Variants in ZNF385D observed in about 807,000 individuals in gnomAD.
The protein encoded by ZNF385D is zinc finger protein 659.
Under a neutral mutation model 35.8 loss-of-function variants are expected in ZNF385D, and 15 were observed. That is an observed-to-expected ratio of 0.42 (90% confidence interval 0.28 to 0.64). The LOEUF (loss-of-function observed/expected upper bound fraction) is 0.64, where lower values mean the gene tolerates loss of function less well. Among genes scored for constraint, ZNF385D ranks in the 30% least tolerant of loss-of-function variants. ZNF385D has a pLI of 0.23. For missense variants in ZNF385D, 474 were observed against 494.6 expected (o/e 0.96, Z 0.39); for synonymous variants, 212 against 186.8 (o/e 1.13, Z -1.10).
chr3:21,955,638 T>G (rs1702249059), intron 3 of ZNF385D, among the ~76,000 whole-genome samples: 2 of 152,160 alleles, frequency 1.3e-5, no homozygotes. Context: ...CAATCTGTTC[T>G]CAAATTCTGT....
At chr3:22,121,201 A>G (rs986763973) in intron 3 of ZNF385D, among the ~76,000 whole-genome samples, 3 of 152,038 alleles carry the variant, frequency 2.0e-5, no homozygotes, top group African/African-American at 7.2e-5. Flanking sequence ...ACTTCTAAAC[A>G]CTCACTGTCT....
intron 1 of ZNF385D, among the ~76,000 whole-genome samples, chr3:21,681,698 G>A (rs1273181824): frequency 1.6e-4 from 21 of 133,200 alleles, no homozygotes; most frequent in African/African-American, 2.8e-4. Context: ...AAAAAAAAAC[G>A]AAAAAAAAAA....
chr3:22,060,317 G>A (rs1699626866), intron 3 of ZNF385D, among the ~76,000 whole-genome samples: 2 of 152,092 alleles, frequency 1.3e-5, no homozygotes, highest in South Asian at 4.2e-4. Flanking sequence ...TTTCTCTAAA[G>A]AACTCTGACT....
intron 3 of ZNF385D, chr3:21,961,687 G>C (rs902171920): frequency 6.6e-6 from 1 of 151,944 alleles, no homozygotes; most frequent in African/African-American, 2.4e-5. Context: ...CTAATATTTT[G>C]TAAGTGAATG....
intron 3 of ZNF385D, among the ~76,000 whole-genome samples, chr3:21,906,191 T>C (rs939005498): frequency 1.3e-5 from 2 of 152,208 alleles, no homozygotes; most frequent in African/African-American, 4.8e-5. Flanking sequence ...TTCTTCAAAG[T>C]ACCTACTATT....
chr3:21,826,440 G>A (rs1489068743), intron 3 of ZNF385D, among the ~76,000 whole-genome samples: 1 of 152,178 alleles, frequency 6.6e-6, no homozygotes, highest in African/African-American at 2.4e-5. Flanking sequence ...CTAGTTGGAA[G>A]AAATATTTGG....
chr3:21,685,800 G>A (rs190300944), intron 1 of ZNF385D, among the ~76,000 whole-genome samples: 1 of 152,292 alleles, frequency 6.6e-6, no homozygotes, highest in African/African-American at 2.4e-5. Flanking sequence ...AAAATGAAGT[G>A]CTGGAGGTAC....
At chr3:21,779,899 G>A (rs6796966) in intron 3 of ZNF385D, among the ~76,000 whole-genome samples, 91,192 of 151,608 alleles carry the variant, frequency 0.6, 28,592 homozygotes, top group Non-Finnish European at 0.7. Context: ...TACTTAGTCC[G>A]AAAATTAAAT....
At chr3:21,951,939 A>C (rs1175302223) in intron 3 of ZNF385D, among the ~76,000 whole-genome samples, 1 of 151,598 alleles carries the variant, frequency 6.6e-6, no homozygotes, top group Non-Finnish European at 1.5e-5. Flanking sequence ...CACAAAGAGC[A>C]TTAACTAGAT....
Position 21,992,158 on chromosome 3 carries a change from T to C in ZNF385D, c.325+176659A>G, listed in dbSNP as rs149903506. On this transcript the variant is annotated intron_variant, in intron 3 of 5. Transcript: ENST00000494108. ...TATTAGCTACCATTTTTACCTCCAC[T>C]CTAACCAAGCAATACCATAAATATT... 2.3e-3 allele frequency among the ~76,000 whole-genome samples: 346 copies of C among 152,244 alleles called. 1 individual carries two copies. The highest frequency in any genetic ancestry group is 7.9e-3 in the African/African-American group (330 of 41,546).
At chr3:22,146,166 C>A (rs1243779333) in intron 3 of ZNF385D, among the ~76,000 whole-genome samples, 6 of 152,228 alleles carry the variant, frequency 3.9e-5, no homozygotes, top group African/African-American at 1.4e-4. Context: ...AAGAGGGAAC[C>A]ATCTGGTCTA....
At chr3:22,085,568 A>T (rs564075113) in intron 3 of ZNF385D, among the ~76,000 whole-genome samples, 1 of 152,328 alleles carries the variant, frequency 6.6e-6, no homozygotes, top group East Asian at 1.9e-4. Context: ...AGGCTCTGAA[A>T]TTGAGGCAAT....
At chr3:22,134,556 A>G (rs1338716032) in intron 3 of ZNF385D, among the ~76,000 whole-genome samples, 2 of 152,198 alleles carry the variant, frequency 1.3e-5, no homozygotes, top group African/African-American at 4.8e-5. Flanking sequence ...GGCAGAATAC[A>G]TATTTTTTCA....
At chr3:21,641,607 C>T (rs536107491) in intron 2 of ZNF385D, among the ~76,000 whole-genome samples, 221 of 136,336 alleles carry the variant, frequency 1.6e-3, no homozygotes, top group African/African-American at 5.4e-3. Context: ...AAATTTTTAT[C>T]ATTTTACTAT....
chr3:22,283,586 C>T (rs543146837), intron 2 of ZNF385D, among the ~76,000 whole-genome samples: 1 of 152,094 alleles, frequency 6.6e-6, no homozygotes, highest in East Asian at 1.9e-4. Context: ...AAAGCTGAAA[C>T]CAGATTCTGA....
upstream of ZNF385D, among the ~76,000 whole-genome samples, chr3:21,755,374 T>G (rs1180222506): frequency 6.6e-6 from 1 of 152,186 alleles, no homozygotes; most frequent in African/African-American, 2.4e-5. Context: ...CGTTAAGGTT[T>G]TCGACAACCA....
chr3:21,959,728 A>G (rs917370745), intron 3 of ZNF385D, among the ~76,000 whole-genome samples: 2 of 152,326 alleles, frequency 1.3e-5, no homozygotes, highest in Middle Eastern at 3.4e-3. Flanking sequence ...ACTTGAAACA[A>G]GAAGGATCTA....
At chr3:22,221,700 C>T (rs981307041) in intron 2 of ZNF385D, among the ~76,000 whole-genome samples, 5 of 152,098 alleles carry the variant, frequency 3.3e-5, no homozygotes, top group East Asian at 1.9e-4. Context: ...TATAGACATA[C>T]TAATGGTTTG....
chr3:22,085,180 G>A (rs1223007420), intron 3 of ZNF385D, among the ~76,000 whole-genome samples: 1 of 151,778 alleles, frequency 6.6e-6, no homozygotes, highest in Non-Finnish European at 1.5e-5. Context: ...AGAGAAGCAA[G>A]AGCGAACAAA....
Sources: allele counts gnomAD v4.1 joint callset (sites outside exome capture counted in the v4.1 genomes callset), GRCh38; gene constraint gnomAD v4.1.1; transcripts MANE v1.5; gene names NCBI Gene and HGNC (gene_info 2026-07-23, HGNC 2026-07-21).